SGCB: variants seen among roughly 807,000 people sequenced by gnomAD.
SGCB encodes beta-sarcoglycan.
A neutral mutation model predicts 27.3 loss-of-function variants in SGCB; 25 were observed. The observed-to-expected ratio is 0.92, with a 90% CI of 0.67 to 1.28. SGCB has a LOEUF of 1.28. Among genes scored for constraint, SGCB ranks in the 50% most tolerant of loss-of-function variants. SGCB has a pLI of 0.00. For synonymous variants in SGCB, 147 were observed against 133.5 expected (o/e 1.10, Z -0.70); for missense variants, 436 against 402.1 (o/e 1.08, Z -0.72).
intron 1 of SGCB, 51 bp downstream of exon 1, chr4:52,038,176 A>G (rs2109380705): frequency 8.5e-7 from 1 of 1,175,266 alleles, no homozygotes; most frequent in Non-Finnish European, 1.0e-6. Flanking sequence ...AGCCGGCAGG[A>G]CGCGGCCTCC....
rs1426980694 is a variant in SGCB, at chr4:52,033,656, A to C, written c.34-16T>G. ...TGGAACTTTGCTAAAAATGAAATACAACATAATGGAACAGCTATACCCTCT... is the reference window on the plus strand; with the variant it reads ...TGGAACTTTGCTAAAAATGAAATACCACATAATGGAACAGCTATACCCTCT... On this transcript the variant is annotated splice_polypyrimidine_tract_variant and intron_variant, in intron 1 of 5. Transcript: ENST00000381431. 6.4e-7 allele frequency: 1 copy of C among 1,568,592 alleles called. No individual in the cohort carries two copies. Among genetic ancestry groups the C allele is most frequent in the East Asian group, 2.2e-5 (1 of 44,620 alleles).
In SGCB at chr4:52,029,739, T is replaced by G. The variant is rs398123263; in HGVS notation, c.368A>C (p.Tyr123Ser). 5.3e-5 allele frequency: 85 copies of G among 1,613,874 alleles called. 2 individuals are homozygous for G. The South Asian group carries it at 8.7e-4, about 16-fold the overall frequency. Residue 123 changes from tyrosine (Y) to serine (S), a missense_variant, in exon 3 of 6, where the codon TAT becomes TCT. Tyr to Ser is a moderately radical substitution (Grantham distance 144). Coordinates refer to ENST00000381431, the MANE Select transcript of SGCB (RefSeq NM_000232.5). The stretch of plus-strand genomic sequence containing the variant: ...TCGCCTTCCTCCTACTGTGCTTTTA[T>G]AAAGAGGGTGGATCACTCCCATGTC... ...VSDMGVIHPL[Y>S]KSTVGGRRNE...
At chr4:52,035,186 T>C (rs1243632110) in intron 1 of SGCB, among the ~76,000 whole-genome samples, 1 of 152,236 alleles carries the variant, frequency 6.6e-6, no homozygotes, top group Non-Finnish European at 1.5e-5. Context: ...ATTCAGTTGT[T>C]GAATACGCAT....
intron 5 of SGCB, among the ~76,000 whole-genome samples, chr4:52,024,623 T>C (rs891716374): frequency 4.6e-5 from 7 of 151,900 alleles, no homozygotes; most frequent in Non-Finnish European, 8.8e-5. Context: ...GTTCAGGAGA[T>C]CGAGACCATC....
At chr4:52,033,258 AAATT>A (rs1402124577) in intron 2 of SGCB, among the ~76,000 whole-genome samples, 169 bp downstream of exon 2, 3 of 152,238 alleles carry the variant, frequency 2.0e-5, no homozygotes, top group Non-Finnish European at 2.9e-5. Flanking sequence ...TTTGTAAATG[AAATT>A]AATATATGAA....
intron 5 of SGCB, among the ~76,000 whole-genome samples, chr4:52,027,429 T>C (rs1024779231): frequency 6.6e-6 from 1 of 151,744 alleles, no homozygotes; most frequent in African/African-American, 2.4e-5. Context: ...ACATTTTTAA[T>C]AAAAATATCT....
chr4:52,030,475 G>C (rs901218699), intron 2 of SGCB, among the ~76,000 whole-genome samples: 1 of 152,018 alleles, frequency 6.6e-6, no homozygotes, highest in African/African-American at 2.4e-5. Context: ...CCTGTACCTT[G>C]TCTCTCAGAA....
intron 1 of SGCB, among the ~76,000 whole-genome samples, chr4:52,034,356 A>G (rs1737329821): frequency 2.1e-5 from 3 of 139,784 alleles, no homozygotes; most frequent in Non-Finnish European, 3.1e-5. Context: ...AAAAAAAAAA[A>G]AAAAAAAAAA....
At chr4:52,024,822 T>A (rs1355406876) in intron 5 of SGCB, among the ~76,000 whole-genome samples, 4 of 82,624 alleles carry the variant, frequency 4.8e-5, no homozygotes, top group Non-Finnish European at 9.3e-5. Flanking sequence ...AGCGAGACAC[T>A]GTCTCAAAAA....
Position 52,022,641 on chromosome 4 carries a change from T to C in SGCB, c.*1316A>G, listed in dbSNP as rs1291433984. ...CTTTAGTCCAGTGCTTCTGGACTTA[T>C]TTTCGAGGCATGGTGTACTTACTAG... On this transcript the variant is annotated 3_prime_UTR_variant, in exon 6 of 6. Coordinates refer to ENST00000381431, the MANE Select transcript of SGCB (RefSeq NM_000232.5). 1 of 152,220 alleles carries C rather than the reference T, an allele frequency of 6.6e-6. No individual in the cohort carries two copies. Among genetic ancestry groups the C allele is most frequent in the Non-Finnish European group, 1.5e-5 (1 of 68,036 alleles). The allele number at this position is 152,220 out of a possible 1,614,324, so 9.4% of individuals were successfully genotyped here. A position where few individuals can be genotyped will look rare whatever the true frequency, so the allele number is the denominator to read the frequency against.
At chr4:52,033,331 A>G in intron 2 of SGCB, 100 bp downstream of exon 2, 1 of 757,984 alleles carries the variant, frequency 1.3e-6, no homozygotes, top group Non-Finnish European at 2.3e-6. Context: ...AAGAGACAAG[A>G]CATGTATAGA....
In SGCB at chr4:52,038,273, C is replaced by A; in HGVS notation, c.-14G>T. Reference sequence around the variant, plus strand: ...CGCTGCCGCCATCTTCCCGCGCCCGCCGCCGCCGAGCTCCCCGCCCGACTG... The same window carrying A: ...CGCTGCCGCCATCTTCCCGCGCCCGACGCCGCCGAGCTCCCCGCCCGACTG... On this transcript the variant is annotated 5_prime_UTR_variant, in exon 1 of 6. Coordinates refer to ENST00000381431, the MANE Select transcript of SGCB (RefSeq NM_000232.5). 1.5e-6 allele frequency: 2 copies of A among 1,294,908 alleles called. No individual in the cohort carries two copies. Among genetic ancestry groups the A allele is most frequent in the Non-Finnish European group, 2.0e-6 (2 of 1,019,406 alleles). 80.2% of individuals were successfully genotyped at this position (1,294,908 alleles called of 1,614,324 possible). A position where few individuals can be genotyped will look rare whatever the true frequency, so the allele number is the denominator to read the frequency against.
At position 52,024,012 on chromosome 4, in the gene SGCB, G is replaced by A. The variant is rs775088127; in HGVS notation, c.902C>T (p.Thr301Ile). The A allele has an allele frequency of 2.5e-6, 4 of 1,614,176 alleles. No individual in the cohort carries two copies. The South Asian group carries it at 4.4e-5, about 18-fold the overall frequency. Residue 301 changes from threonine to isoleucine, a missense_variant, in exon 6 of 6, where the codon ACC becomes ATC. Coordinates refer to ENST00000381431, the MANE Select transcript of SGCB (RefSeq NM_000232.5). ...GATTTGGCAGCCCATGTTCTGGCTGGTTACTTGCACCTTGAAGAGCGTCCC... is the reference window on the plus strand; with the variant it reads ...GATTTGGCAGCCCATGTTCTGGCTGATTACTTGCACCTTGAAGAGCGTCCC... Reference protein sequence around the residue: ...ADGTLFKVQVTSQNMGCQISD... With the variant: ...ADGTLFKVQVISQNMGCQISD...
At chr4:52,028,981 T>C in intron 3 of SGCB, 60 bp from the exon 4 acceptor site, 2 of 1,257,962 alleles carry the variant, frequency 1.6e-6, no homozygotes, top group Non-Finnish European at 2.3e-6. Context: ...ACAAAATTCC[T>C]GAACAATATA....
chr4:52,028,448 T>C (rs1303305569), intron 4 of SGCB, among the ~76,000 whole-genome samples: 1 of 152,102 alleles, frequency 6.6e-6, no homozygotes, highest in Non-Finnish European at 1.5e-5. Context: ...CCATCCTGAC[T>C]AACACGGTGA....
At chr4:52,037,605 G>A (rs1322859110) in intron 1 of SGCB, among the ~76,000 whole-genome samples, 1 of 152,164 alleles carries the variant, frequency 6.6e-6, no homozygotes, top group Non-Finnish European at 1.5e-5. Context: ...ATTTTGGGGG[G>A]ATGAGGAGCC....
chr4:52,037,440 G>A (rs1473114466), intron 1 of SGCB, among the ~76,000 whole-genome samples: 1 of 152,086 alleles, frequency 6.6e-6, no homozygotes, highest in East Asian at 1.9e-4. Context: ...TTTTTAAAGA[G>A]AAACTACTAT....
At chr4:52,026,890 G>C (rs964690824) in intron 5 of SGCB, among the ~76,000 whole-genome samples, 1 of 152,158 alleles carries the variant, frequency 6.6e-6, no homozygotes, top group Non-Finnish European at 1.5e-5. Flanking sequence ...AACAGCAGTT[G>C]TACTGTGGCT....
At chr4:52,024,296 C>T in intron 5 of SGCB, 136 bp from the exon 6 acceptor site, 1 of 683,328 alleles carries the variant, frequency 1.5e-6, no homozygotes, top group Non-Finnish European at 2.6e-6. Flanking sequence ...AAAACAACAA[C>T]AGCAACAATA....
Sources: gnomAD v4.1 joint callset for allele counts (sites outside exome capture counted in the v4.1 genomes callset) on GRCh38, gnomAD v4.1.1 for gene constraint, MANE v1.5 for transcripts, NCBI Gene and HGNC (gene_info 2026-07-23, HGNC 2026-07-21) for gene names.